The following AFG2A variants were observed in gnomAD, a reference collection of about 807,000 sequenced individuals.
AFG2A encodes AAA ATPase AFG2A, also known as ATPase family gene 2 protein homolog A.
chr4:123,040,052 T>G, the AFG2A span, among the ~76,000 whole-genome samples: 1 of 152,190 alleles, frequency 6.6e-6, no homozygotes, highest in African/African-American at 2.4e-5. Context: ...ATTGTTGTTA[T>G]AAACAGTGCT....
the AFG2A span, among the ~76,000 whole-genome samples, chr4:122,945,797 G>A: frequency 6.2e-4 from 95 of 152,218 alleles, no homozygotes; most frequent in African/African-American, 2.1e-3. Flanking sequence ...GCTCCTCCCC[G>A]AACTTTTTGT....
At chr4:122,923,359 G>T in the AFG2A span, 179 of 1,605,794 alleles carry the variant, frequency 1.1e-4, 1 homozygote, top group Non-Finnish European at 1.5e-4. Flanking sequence ...CCTGAGGGGC[G>T]GGAGACTCAG....
At chr4:123,186,040 T>C in the AFG2A span, among the ~76,000 whole-genome samples, 3 of 152,214 alleles carry the variant, frequency 2.0e-5, no homozygotes, top group Admixed American at 2.0e-4. Context: ...GGTAATTATT[T>C]GTTTTCTTTG....
the AFG2A span, among the ~76,000 whole-genome samples, chr4:123,186,925 G>A: frequency 6.6e-5 from 10 of 152,268 alleles, no homozygotes; most frequent in South Asian, 2.1e-3. Flanking sequence ...CCACTACATG[G>A]TGGAGCTTGA....
chr4:122,934,722 G>A, the AFG2A span: 268 of 1,578,160 alleles, frequency 1.7e-4, no homozygotes, highest in African/African-American at 3.4e-3. Context: ...AACAGCCTGA[G>A]CTTTTCAAGA....
At chr4:123,014,407 T>A in the AFG2A span, among the ~76,000 whole-genome samples, 4 of 152,166 alleles carry the variant, frequency 2.6e-5, no homozygotes, top group African/African-American at 9.7e-5. Flanking sequence ...GTTTTTTTTC[T>A]TATACTTGTT....
the AFG2A span, among the ~76,000 whole-genome samples, chr4:123,206,764 CT>C: frequency 7.6e-4 from 115 of 152,048 alleles, no homozygotes; most frequent in African/African-American, 2.6e-3. Flanking sequence ...TTTATAAATT[CT>C]TTTTTTTCTC....
chr4:122,929,180 A>G, the AFG2A span: 2 of 1,598,526 alleles, frequency 1.3e-6, no homozygotes, highest in Non-Finnish European at 1.7e-6. Flanking sequence ...AGGCTGAGGA[A>G]ATGGATGTGG....
chr4:122,951,618 C>A, the AFG2A span, among the ~76,000 whole-genome samples: 298 of 152,274 alleles, frequency 2.0e-3, no homozygotes, highest in African/African-American at 5.8e-3. Context: ...TTCAGACAGC[C>A]CACCTGTGAG....
the AFG2A span, among the ~76,000 whole-genome samples, chr4:123,183,044 A>G: frequency 2.2e-4 from 34 of 152,334 alleles, no homozygotes; most frequent in Admixed American, 1.1e-3. Context: ...TTTCCTGGCC[A>G]TGAACCAGAC....
At chr4:122,962,365 T>C in the AFG2A span, among the ~76,000 whole-genome samples, 272 of 152,270 alleles carry the variant, frequency 1.8e-3, 1 homozygote, top group Middle Eastern at 0.014. Context: ...TCCTCTGTTT[T>C]ATAATTCTAA....
the AFG2A span, among the ~76,000 whole-genome samples, chr4:123,302,366 A>C: frequency 3.3e-5 from 5 of 152,186 alleles, no homozygotes; most frequent in Admixed American, 3.3e-4. Context: ...CTTGGATATC[A>C]GCCCCACAAG....
chr4:123,114,809 G>A, the AFG2A span, among the ~76,000 whole-genome samples: 1 of 152,262 alleles, frequency 6.6e-6, no homozygotes, highest in Non-Finnish European at 1.5e-5. Flanking sequence ...AGTGGTGGCA[G>A]GTGAGGTGCA....
the AFG2A span, among the ~76,000 whole-genome samples, chr4:123,152,644 T>C: frequency 6.6e-6 from 1 of 152,216 alleles, no homozygotes; most frequent in Non-Finnish European, 1.5e-5. Flanking sequence ...TCAAGAACTT[T>C]CATTCACTGC....
the AFG2A span, among the ~76,000 whole-genome samples, chr4:123,164,476 G>T: frequency 6.6e-6 from 1 of 152,114 alleles, no homozygotes; most frequent in African/African-American, 2.4e-5. Flanking sequence ...TGATTCTCCT[G>T]CCTCAGCCTC....
the AFG2A span, among the ~76,000 whole-genome samples, chr4:122,991,569 T>C: frequency 2.0e-5 from 3 of 152,186 alleles, no homozygotes; most frequent in Admixed American, 2.0e-4. Context: ...ATTTTTGGGG[T>C]AATTAACTAT....
the AFG2A span, among the ~76,000 whole-genome samples, chr4:123,254,578 T>A: frequency 6.6e-6 from 1 of 152,036 alleles, no homozygotes; most frequent in Non-Finnish European, 1.5e-5. Context: ...CAGAGAGAGA[T>A]TTAGACACAT....
At chr4:123,272,979 T>C in the AFG2A span, among the ~76,000 whole-genome samples, 1 of 152,026 alleles carries the variant, frequency 6.6e-6, no homozygotes, top group East Asian at 1.9e-4. Flanking sequence ...GGATAACTAA[T>C]GAAGGAAGAT....
the AFG2A span, among the ~76,000 whole-genome samples, chr4:123,049,068 A>T: frequency 1.3e-5 from 2 of 152,130 alleles, no homozygotes; most frequent in Non-Finnish European, 2.9e-5. Flanking sequence ...GGTTTTTATC[A>T]TGAAGGGATG....
Sources: gnomAD v4.1 joint callset for allele counts (sites outside exome capture counted in the v4.1 genomes callset) on GRCh38, gnomAD v4.1.1 for gene constraint, MANE v1.5 for transcripts, NCBI Gene and HGNC (gene_info 2026-07-23, HGNC 2026-07-21) for gene names.